GALR2: variants seen among roughly 807,000 people sequenced by gnomAD.
GALR2 encodes the protein galanin receptor type 2.
A neutral mutation model predicts 7.2 loss-of-function variants in GALR2; 5 were observed. The observed-to-expected ratio is 0.69, with a 90% CI of 0.36 to 1.45. The LOEUF (loss-of-function observed/expected upper bound fraction) is 1.45, where lower values mean the gene tolerates loss of function less well. Among genes scored for constraint, GALR2 ranks in the 40% most tolerant of loss-of-function variants. The probability of loss-of-function intolerance (pLI) is 0.03; values close to 1 mark genes in which losing one functional copy is unlikely to be tolerated. For missense variants in GALR2, 561 were observed against 555.7 expected (o/e 1.01, Z -0.10); for synonymous variants, 300 against 263.9 (o/e 1.14, Z -1.32).
chr17:76,075,171 G>T lies in GALR2; in HGVS notation c.288G>T (p.Leu96=). 1 of 1,611,952 alleles carries T rather than the reference G, an allele frequency of 6.2e-7. No individual in the cohort carries two copies. The highest frequency in any genetic ancestry group is 8.5e-7 in the Non-Finnish European group (1 of 1,179,994). The change falls in exon 1 of 2, where the codon CTG becomes CTT. Residue 96 remains leucine (L), a synonymous_variant. Transcript: ENST00000329003. The surrounding 1 kb of genome is among the most constrained non-coding windows in gnomAD (Gnocchi z 5.9). ...TGGACGGCTGGGTGTTCGGCTCGCT[G>T]CTGTGCAAGGCGGTGCACTTCCTCA... is the stretch of plus-strand genomic sequence containing the variant. ...YTLDGWVFGS[L]LCKAVHFLIF...
At position 76,077,296 on chromosome 17, in the gene GALR2, G is replaced by T; in HGVS notation, c.1029G>T (p.Leu343Phe). 6.3e-7 allele frequency: 1 copy of T among 1,594,670 alleles called. No individual in the cohort carries two copies. The highest frequency in any genetic ancestry group is 1.7e-5 in the Admixed American group (1 of 59,040). The change falls in exon 2 of 2, where the codon TTG becomes TTT. Residue 343 changes from leucine to phenylalanine, a missense_variant. Leu to Phe is a conservative substitution (Grantham distance 22, BLOSUM62 0). Transcript: ENST00000329003. ...SVLERESSDL[L>F]HMSEAAGALR... ...TGGAGCGCGAGTCCAGCGACCTGTT[G>T]CACATGAGCGAGGCGGCGGGGGCCC...
At chr17:76,074,690 C>A (rs1402549076), upstream of GALR2, 21 of 595,134 alleles carry the variant, frequency 3.5e-5, no homozygotes, top group South Asian at 4.6e-4. This position sits in a 1 kb window ranked among gnomAD's most constrained non-coding sequence, Gnocchi z 6.7. Flanking sequence ...GGGACAACCT[C>A]GCCCTCCTGT....
upstream of GALR2, chr17:76,074,687 C>G: frequency 3.4e-6 from 2 of 591,336 alleles, no homozygotes; most frequent in South Asian, 4.4e-5. The surrounding 1 kb of genome is among the most constrained non-coding windows in gnomAD (Gnocchi z 6.7). Context: ...CTGGGGACAA[C>G]CTCGCCCTCC....
chr17:76,072,230 AC>A, upstream of GALR2: 1 of 1,592,310 alleles, frequency 6.3e-7, no homozygotes, highest in Non-Finnish European at 8.5e-7. The surrounding 1 kb of genome is among the most constrained non-coding windows in gnomAD (Gnocchi z 4.5). Flanking sequence ...ACTTGTCGGG[AC>A]CCGCCGCCTC....
Position 76,077,386 on chromosome 17 carries a change from G to T in GALR2, c.1119G>T (p.Gln373His), listed in dbSNP as rs780073845. The T allele has an allele frequency of 1.4e-6, 2 of 1,479,148 alleles. No homozygotes were observed. Among genetic ancestry groups the T allele is most frequent in the African/African-American group, 2.8e-5 (2 of 71,244 alleles). The allele number at this position is 1,479,148 out of a possible 1,614,324, so 91.6% of individuals were successfully genotyped here. A position where few individuals can be genotyped will look rare whatever the true frequency, so the allele number is the denominator to read the frequency against. The change falls in exon 2 of 2, where the codon CAG (glutamine) becomes CAT (histidine). Residue 373 changes from glutamine (Q) to histidine (H), a missense_variant. Physicochemically the swap from Gln to His is conservative, Grantham distance 24 (BLOSUM62 0). Coordinates refer to ENST00000329003, the MANE Select transcript of GALR2 (RefSeq NM_003857.4). ...AGCCCTGTCCTGGCCCGTCCTGGCA[G>T]GGCCCAAAGGCAGGCGACAGCATCC... The part of the protein sequence containing the change: ...ILEPCPGPSW[Q>H]GPKAGDSILT...
In GALR2 at chr17:76,077,260, T is replaced by A. The variant is rs778173749; in HGVS notation, c.993T>A (p.Ser331Arg). ...GCGCTGCCGCGCGGGGCACCCACAG[T>A]GGCAGCGTGTTGGAGCGCGAGTCCA... is the stretch of plus-strand genomic sequence containing the variant. ...RVCAAARGTHSGSVLERESSD... is the reference protein window; with the variant it reads ...RVCAAARGTHRGSVLERESSD... The change falls in exon 2 of 2, where the codon AGT (serine) becomes AGA (arginine). Residue 331 changes from serine to arginine, a missense_variant. By Grantham distance (110) the Ser-to-Arg change is moderately radical (BLOSUM62 -1). Transcript: ENST00000329003. 8 of 1,603,580 alleles carry A rather than the reference T, an allele frequency of 5.0e-6. No homozygotes were observed. Among genetic ancestry groups the A allele is most frequent in the Non-Finnish European group, 5.9e-6 (7 of 1,177,290 alleles).
At position 76,075,178 on chromosome 17, in the gene GALR2, A is replaced by T. The variant is rs1481009105; in HGVS notation, c.295A>T (p.Lys99Ter). The change falls in exon 1 of 2, where the codon AAG (lysine) becomes TAG (stop). Residue 99 changes from lysine (K) to a stop codon, truncating the protein, a stop_gained. Transcript: ENST00000329003. LOFTEE classifies it high-confidence loss of function. This position sits in a 1 kb window ranked among gnomAD's most constrained non-coding sequence, Gnocchi z 5.9. Reference sequence around the variant, plus strand: ...CTGGGTGTTCGGCTCGCTGCTGTGCAAGGCGGTGCACTTCCTCATCTTCCT... The same window carrying T: ...CTGGGTGTTCGGCTCGCTGCTGTGCTAGGCGGTGCACTTCCTCATCTTCCT... ...DGWVFGSLLCKAVHFLIFLTM... is the reference protein window; with the variant it reads ...DGWVFGSLLC The T allele has an allele frequency of 6.2e-7, 1 of 1,611,678 alleles. No individual in the cohort carries two copies. Among genetic ancestry groups the T allele is most frequent in the South Asian group, 1.1e-5 (1 of 91,026 alleles).
rs181663509 is a variant in GALR2, at chr17:76,076,286, G to A, written c.369-350G>A. Among the ~76,000 whole-genome samples, 2 of 152,314 alleles carry A rather than the reference G, an allele frequency of 1.3e-5. No homozygotes were observed. Among genetic ancestry groups the A allele is most frequent in the Admixed American group, 1.3e-4 (2 of 15,298 alleles). On this transcript the variant is annotated intron_variant, in intron 1 of 1. Coordinates refer to ENST00000329003, the MANE Select transcript of GALR2 (RefSeq NM_003857.4). The surrounding 1 kb of genome is among the most constrained non-coding windows in gnomAD (Gnocchi z 6.5). ...CACCAGTGGGTAGTCACAGCCTCCC[G>A]GAGCCCATAGCCGGTTCTCCAACCT...
At chr17:76,072,202 T>C, upstream of GALR2, 2 of 1,568,964 alleles carry the variant, frequency 1.3e-6, no homozygotes, top group East Asian at 4.7e-5. This position sits in a 1 kb window ranked among gnomAD's most constrained non-coding sequence, Gnocchi z 4.5. Context: ...ACTGCAACCC[T>C]CGGCCTCTCC....
upstream of GALR2, among the ~76,000 whole-genome samples, chr17:76,073,871 C>A (rs2066873937): frequency 6.6e-6 from 1 of 151,822 alleles, no homozygotes; most frequent in Non-Finnish European, 1.5e-5. Flanking sequence ...GGTGGCCGGG[C>A]TCGGTGGCTT....
At position 76,076,080 on chromosome 17, in the gene GALR2, C is replaced by T. The variant is rs901963226; in HGVS notation, c.369-556C>T. Among the ~76,000 whole-genome samples, 5 of 152,230 alleles carry T rather than the reference C, an allele frequency of 3.3e-5. No homozygotes were observed. The highest frequency in any genetic ancestry group is 7.3e-5 in the Non-Finnish European group (5 of 68,042). ...AACAGAGAGGCGAGGCCAGACTGCC[C>T]CCACACCTCCTGTAGCCACTGAGCG... is the stretch of plus-strand genomic sequence containing the variant. On this transcript the variant is annotated intron_variant, in intron 1 of 1. Coordinates refer to ENST00000329003, the MANE Select transcript of GALR2 (RefSeq NM_003857.4). The surrounding 1 kb of genome is among the most constrained non-coding windows in gnomAD (Gnocchi z 6.5).
chr17:76,073,189 C>A (rs956475902), upstream of GALR2, among the ~76,000 whole-genome samples: 1 of 152,064 alleles, frequency 6.6e-6, no homozygotes, highest in Non-Finnish European at 1.5e-5. Flanking sequence ...CCGTCATTAG[C>A]GGCAGGGACA....
At chr17:76,072,564 C>T, upstream of GALR2, 2 of 1,516,320 alleles carry the variant, frequency 1.3e-6, no homozygotes. The surrounding 1 kb of genome is among the most constrained non-coding windows in gnomAD (Gnocchi z 4.5). Flanking sequence ...GCTGGACCTG[C>T]CTGGCCGGGC....
At position 76,075,459 on chromosome 17, in the gene GALR2, G is replaced by A. The variant is rs144406014; in HGVS notation, c.368+208G>A. 9.8e-3 allele frequency among the ~76,000 whole-genome samples: 1,490 copies of A among 152,366 alleles called. 84 individuals carry two copies. The highest frequency in any genetic ancestry group is 0.081 in the Admixed American group (1,247 of 15,302). On this transcript the variant is annotated intron_variant, in intron 1 of 1. Transcript: ENST00000329003. This position sits in a 1 kb window ranked among gnomAD's most constrained non-coding sequence, Gnocchi z 5.9. ...GTTAGATGCGTCCTGGGGCCTGGAA[G>A]CCTGGAGAATGTGGCTCTCCAGCGC...
chr17:76,074,950 C>A lies in GALR2; in HGVS notation c.67C>A (p.Pro23Thr). 1 of 1,576,402 alleles carries A rather than the reference C, an allele frequency of 6.3e-7. No individual in the cohort carries two copies. The highest frequency in any genetic ancestry group is 8.6e-7 in the Non-Finnish European group (1 of 1,168,640). The change falls in exon 1 of 2, where the codon CCC becomes ACC. Residue 23 changes from proline to threonine, a missense_variant. Transcript: ENST00000329003. The surrounding 1 kb of genome is among the most constrained non-coding windows in gnomAD (Gnocchi z 6.7). ...SQAGGGGGWH[P>T]EAVIVPLLFA... ...GGCGGGCGGCGGGGGAGGCTGGCAC[C>A]CCGAGGCGGTCATCGTGCCCCTGCT...
At position 76,076,362 on chromosome 17, in the gene GALR2, G is replaced by T. The variant is rs1207915682; in HGVS notation, c.369-274G>T. ...CCTCTCAGTGGAGACTGTGGTTGCA[G>T]TCCCCGGGGGCAGCGGGAGAATGGC... On this transcript the variant is annotated intron_variant, in intron 1 of 1. Transcript: ENST00000329003. This position sits in a 1 kb window ranked among gnomAD's most constrained non-coding sequence, Gnocchi z 6.5. Among the ~76,000 whole-genome samples, 1 of 152,200 alleles carries T rather than the reference G, an allele frequency of 6.6e-6. No individual in the cohort carries two copies. Among genetic ancestry groups the T allele is most frequent in the Non-Finnish European group, 1.5e-5 (1 of 68,032 alleles).
upstream of GALR2, chr17:76,072,423 G>T (rs749292484): frequency 6.3e-7 from 1 of 1,584,688 alleles, no homozygotes; most frequent in Middle Eastern, 1.7e-4. The surrounding 1 kb of genome is among the most constrained non-coding windows in gnomAD (Gnocchi z 4.5). Flanking sequence ...TACCGCCGCC[G>T]CCACTGCCAC....
Position 76,077,154 on chromosome 17 carries a change from C to G in GALR2, c.887C>G (p.Ser296Cys), listed in dbSNP as rs756409862. ...AACCCCATCGTTTACGCGCTGGTCT[C>G]CAAGCACTTCCGCAAAGGCTTCCGC... Reference protein sequence around the residue: ...CVNPIVYALVSKHFRKGFRTI... With the variant: ...CVNPIVYALVCKHFRKGFRTI... Residue 296 changes from serine to cysteine, a missense_variant, in exon 2 of 2, where the codon TCC becomes TGC. By Grantham distance (112) the Ser-to-Cys change is moderately radical. Coordinates refer to ENST00000329003, the MANE Select transcript of GALR2 (RefSeq NM_003857.4). 3 of 1,612,568 alleles carry G rather than the reference C, an allele frequency of 1.9e-6. No individual in the cohort carries two copies. In the South Asian group the frequency reaches 3.3e-5, roughly 18 times the overall value.
chr17:76,075,323 G>A lies in GALR2; in HGVS notation c.368+72G>A. 2.0e-6 allele frequency: 3 copies of A among 1,487,604 alleles called. No individual in the cohort carries two copies. Among genetic ancestry groups the A allele is most frequent in the Non-Finnish European group, 2.7e-6 (3 of 1,100,188 alleles). 92.2% of individuals were successfully genotyped at this position (1,487,604 alleles called of 1,614,324 possible). A position where few individuals can be genotyped will look rare whatever the true frequency, so the allele number is the denominator to read the frequency against. On this transcript the variant is annotated intron_variant, in intron 1 of 1. Transcript: ENST00000329003. The surrounding 1 kb of genome is among the most constrained non-coding windows in gnomAD (Gnocchi z 5.9). ...GGATGGAGCGGGAGGCGGGACTGGG[G>A]ACCAAGAAGGGACGCGCAGAGTGGG...
Sources: allele counts gnomAD v4.1 joint callset (sites outside exome capture counted in the v4.1 genomes callset), GRCh38; gene constraint gnomAD v4.1.1; non-coding constraint Gnocchi (gnomAD v3.1); transcripts MANE v1.5; gene names NCBI Gene and HGNC (gene_info 2026-07-23, HGNC 2026-07-21).